LNP1: variants seen among roughly 807,000 people sequenced by gnomAD.
LNP1 encodes leukemia NUP98 fusion partner 1.
A neutral mutation model predicts 14.5 loss-of-function variants in LNP1; 12 were observed. The observed-to-expected ratio is 0.83, with a 90% CI of 0.53 to 1.34. The LOEUF is 1.34. Among genes scored for constraint, LNP1 ranks in the 40% most tolerant of loss-of-function variants. The pLI, the probability that LNP1 is intolerant of heterozygous loss-of-function variation, is 0.00. For synonymous variants in LNP1, 75 were observed against 71.4 expected, an observed-to-expected ratio of 1.05 and a Z score of -0.26; for missense variants, 198 against 210.9, an observed-to-expected ratio of 0.94 and a Z score of 0.38.
intron 1 of LNP1, among the ~76,000 whole-genome samples, chr3:100,408,773 C>T (rs1706996511): frequency 6.6e-6 from 1 of 152,126 alleles, no homozygotes; most frequent in Admixed American, 6.5e-5. Context: ...CTCTCTTCCT[C>T]CCAAGCAGAC....
intron 2 of LNP1, among the ~76,000 whole-genome samples, chr3:100,431,052 A>G (rs1707237960): frequency 6.6e-6 from 1 of 152,240 alleles, no homozygotes; most frequent in Admixed American, 6.5e-5. Flanking sequence ...ATTTTAATAT[A>G]TATTCCACAA....
chr3:100,441,995 A>AT (rs1409580356), intron 2 of LNP1, among the ~76,000 whole-genome samples: 1 of 152,048 alleles, frequency 6.6e-6, no homozygotes, highest in African/African-American at 2.4e-5. Context: ...AGTAAAGTTG[A>AT]TTTTTTCCTT....
intron 1 of LNP1, among the ~76,000 whole-genome samples, chr3:100,424,458 C>T (rs758458498): frequency 6.6e-6 from 1 of 152,146 alleles, no homozygotes; most frequent in Non-Finnish European, 1.5e-5. Context: ...AAGTACACAC[C>T]TAATTCCTCC....
chr3:100,417,277 G>A (rs1707093452), intron 1 of LNP1, among the ~76,000 whole-genome samples: 1 of 150,610 alleles, frequency 6.6e-6, no homozygotes, highest in Admixed American at 6.6e-5. Context: ...TTAAAATATA[G>A]CAAACATATT....
At chr3:100,409,606 A>ATATATATT (rs1429906485) in intron 1 of LNP1, among the ~76,000 whole-genome samples, 5 of 124,436 alleles carry the variant, frequency 4.0e-5, no homozygotes, top group African/African-American at 1.6e-4. Context: ...ATATATATAT[A>ATATATATT]TTTTTTTTTT....
intron 2 of LNP1, among the ~76,000 whole-genome samples, chr3:100,438,202 T>A (rs1200010645): frequency 6.6e-6 from 1 of 152,166 alleles, no homozygotes; most frequent in Non-Finnish European, 1.5e-5. Flanking sequence ...ACAGCCAGAA[T>A]AAAGAACATC....
At chr3:100,404,635 G>A (rs1337029258) in intron 1 of LNP1, among the ~76,000 whole-genome samples, 1 of 152,092 alleles carries the variant, frequency 6.6e-6, no homozygotes, top group Non-Finnish European at 1.5e-5. Flanking sequence ...TTTCTGTGCA[G>A]ATAATCACTG....
At chr3:100,445,782 A>G (rs1707381932) in intron 2 of LNP1, among the ~76,000 whole-genome samples, 1 of 152,200 alleles carries the variant, frequency 6.6e-6, no homozygotes, top group Non-Finnish European at 1.5e-5. Flanking sequence ...TGCAAAAATC[A>G]TGAAGATTCC....
At chr3:100,424,329 C>T (rs985022804) in intron 1 of LNP1, among the ~76,000 whole-genome samples, 2 of 152,036 alleles carry the variant, frequency 1.3e-5, no homozygotes, top group Non-Finnish European at 2.9e-5. Flanking sequence ...GTACTCATGG[C>T]TAAGATTTAT....
In LNP1 at chr3:100,456,020, G is replaced by T. The variant is rs2148909740; in HGVS notation, c.*94G>T. On this transcript the variant is annotated 3_prime_UTR_variant, in exon 4 of 4. Coordinates refer to ENST00000383693, the MANE Select transcript of LNP1 (RefSeq NM_001085451.2). Reference sequence around the variant, plus strand: ...ATTTCAGGATGTGGATGGGGGCGGGGTTGGGGGTAAAAACAGCTATAAAAA... The same window carrying T: ...ATTTCAGGATGTGGATGGGGGCGGGTTTGGGGGTAAAAACAGCTATAAAAA... The T allele has an allele frequency of 1.4e-6, 2 of 1,397,066 alleles. No individual in the cohort carries two copies. The highest frequency in any genetic ancestry group is 9.8e-7 in the Non-Finnish European group (1 of 1,024,232). 86.5% of individuals were successfully genotyped at this position (1,397,066 alleles called of 1,614,324 possible).
At chr3:100,406,824 C>T (rs1173993181) in intron 1 of LNP1, among the ~76,000 whole-genome samples, 4 of 152,172 alleles carry the variant, frequency 2.6e-5, no homozygotes, top group African/African-American at 9.6e-5. Flanking sequence ...TGAGCCACTT[C>T]GCCTGGCTGA....
At chr3:100,409,243 A>G (rs1707000897) in intron 1 of LNP1, among the ~76,000 whole-genome samples, 1 of 152,168 alleles carries the variant, frequency 6.6e-6, no homozygotes, top group Non-Finnish European at 1.5e-5. Flanking sequence ...CTGAAATATC[A>G]GCTCTTCTTA....
chr3:100,418,059 A>AC (rs565769310), intron 1 of LNP1, among the ~76,000 whole-genome samples: 13,506 of 115,560 alleles, frequency 0.12, 1,590 homozygotes, highest in African/African-American at 0.23. Flanking sequence ...TTCTCATACC[A>AC]TTTTTTTTTT....
intron 1 of LNP1, among the ~76,000 whole-genome samples, chr3:100,415,305 ACT>A (rs1707071928): frequency 6.6e-6 from 1 of 152,196 alleles, no homozygotes; most frequent in African/African-American, 2.4e-5. Context: ...GAAAAAGACA[ACT>A]CTGAAGAAAA....
At chr3:100,450,332 ATTT>A (rs1346496509) in intron 2 of LNP1, among the ~76,000 whole-genome samples, 3 of 138,946 alleles carry the variant, frequency 2.2e-5, no homozygotes, top group Non-Finnish European at 3.2e-5. Context: ...CTGGATGTTA[ATTT>A]TTTTTTTTTT....
chr3:100,412,115 G>C (rs1256313960), intron 1 of LNP1, among the ~76,000 whole-genome samples: 2 of 152,178 alleles, frequency 1.3e-5, no homozygotes, highest in African/African-American at 2.4e-5. Context: ...GCTGGCATCT[G>C]TTTGGCTTCT....
intron 2 of LNP1, among the ~76,000 whole-genome samples, chr3:100,445,774 CA>C (rs1453083593): frequency 6.6e-6 from 1 of 152,064 alleles, no homozygotes; most frequent in South Asian, 2.1e-4. Context: ...AATCTATGTG[CA>C]AAAATCATGA....
intron 2 of LNP1, among the ~76,000 whole-genome samples, chr3:100,444,287 A>C (rs985631660): frequency 7.9e-5 from 12 of 152,216 alleles, no homozygotes; most frequent in Admixed American, 3.9e-4. Flanking sequence ...TGACAAGGAA[A>C]ATTGTTACTT....
At chr3:100,404,179 A>T (rs559677430) in intron 1 of LNP1, among the ~76,000 whole-genome samples, 15 of 152,350 alleles carry the variant, frequency 9.8e-5, no homozygotes, top group Non-Finnish European at 2.1e-4. Context: ...TAGAAGTCAT[A>T]AAATTCATTG....
Sources: allele counts gnomAD v4.1 joint callset (sites outside exome capture counted in the v4.1 genomes callset), GRCh38; gene constraint gnomAD v4.1.1; transcripts MANE v1.5; gene names NCBI Gene and HGNC (gene_info 2026-07-23, HGNC 2026-07-21).